Variants in PID1 observed in about 807,000 individuals in gnomAD.
PID1 encodes PTB-containing, cubilin and LRP1-interacting protein.
A neutral mutation model predicts 19.1 loss-of-function variants in PID1; 10 were observed. The ratio of observed to expected loss-of-function variants is 0.52; its 90% CI spans 0.32 to 0.89. The LOEUF (loss-of-function observed/expected upper bound fraction) is 0.89. PID1 is among the 40% of genes least tolerant of loss of function. The pLI, the probability that PID1 is intolerant of heterozygous loss-of-function variation, is 0.03. For synonymous variants in PID1, 130 were observed against 116.0 expected, an observed-to-expected ratio of 1.12 and a Z score of -0.78; for missense variants, 248 against 285.3, an observed-to-expected ratio of 0.87 and a Z score of 0.94.
At chr2:229,247,256 G>A (rs1574755924) in intron 1 of PID1, among the ~76,000 whole-genome samples, 2 of 152,156 alleles carry the variant, frequency 1.3e-5, no homozygotes, top group African/African-American at 4.8e-5. Context: ...AACAAAGCCT[G>A]GAGTGAGAGG....
chr2:229,116,965 C>T (rs1241558105), intron 2 of PID1, among the ~76,000 whole-genome samples: 1 of 152,146 alleles, frequency 6.6e-6, no homozygotes, highest in East Asian at 1.9e-4. Flanking sequence ...TCTTAAGAAG[C>T]CAAACAACTG....
intron 1 of PID1, among the ~76,000 whole-genome samples, chr2:229,268,912 C>T (rs937422470): frequency 3.9e-5 from 6 of 152,208 alleles, no homozygotes; most frequent in Admixed American, 3.9e-4. Context: ...AAGCAGCTCA[C>T]TCACCATCTC....
At chr2:229,064,842 G>A (rs567484128) in intron 2 of PID1, among the ~76,000 whole-genome samples, 20 of 152,132 alleles carry the variant, frequency 1.3e-4, no homozygotes, top group African/African-American at 2.9e-4. Flanking sequence ...TACTTGTCTC[G>A]GATGCTGATG....
chr2:229,265,185 G>A (rs900621254), intron 1 of PID1, among the ~76,000 whole-genome samples: 2 of 151,672 alleles, frequency 1.3e-5, no homozygotes, highest in Non-Finnish European at 2.9e-5. Flanking sequence ...GAAACAACCT[G>A]GCTAAGAAGG....
chr2:229,228,192 T>C (rs1692123877), intron 1 of PID1: 1 of 362,518 alleles, frequency 2.8e-6, no homozygotes, highest in Admixed American at 3.3e-5. Context: ...CAATTATTCA[T>C]CTCTACTTTT....
At chr2:229,230,129 T>C (rs1692170237) in intron 1 of PID1, among the ~76,000 whole-genome samples, 1 of 152,232 alleles carries the variant, frequency 6.6e-6, no homozygotes, top group South Asian at 2.1e-4. Flanking sequence ...TTGTAATGTT[T>C]AACCTTGGCC....
At chr2:229,220,608 T>C (rs1001553710) in intron 1 of PID1, among the ~76,000 whole-genome samples, 6 of 152,120 alleles carry the variant, frequency 3.9e-5, no homozygotes, top group African/African-American at 1.4e-4. Flanking sequence ...GAGGTGATTC[T>C]ATGAGTTCAG....
chr2:229,149,661 C>A (rs1432198422), intron 2 of PID1, among the ~76,000 whole-genome samples: 1 of 152,170 alleles, frequency 6.6e-6, no homozygotes, highest in African/African-American at 2.4e-5. Flanking sequence ...TTAACTCCTT[C>A]TTGGAAACTG....
At chr2:229,199,787 C>CAT (rs1033099404) in intron 1 of PID1, among the ~76,000 whole-genome samples, 1 of 148,770 alleles carries the variant, frequency 6.7e-6, no homozygotes, top group African/African-American at 2.5e-5. Context: ...TACACACACA[C>CAT]ATATATATAA....
At chr2:229,151,029 G>A (rs1303680978) in intron 2 of PID1, among the ~76,000 whole-genome samples, 2 of 152,108 alleles carry the variant, frequency 1.3e-5, no homozygotes. Context: ...ATGAAAGAGA[G>A]CAGGATGGGA....
At chr2:229,168,399 A>G (rs1009552426) in intron 1 of PID1, among the ~76,000 whole-genome samples, 47 of 151,846 alleles carry the variant, frequency 3.1e-4, no homozygotes, top group Non-Finnish European at 5.7e-4. Flanking sequence ...ATTTCTCTTG[A>G]CCTATATTCA....
intron 1 of PID1, among the ~76,000 whole-genome samples, chr2:229,246,918 A>T (rs964558135): frequency 2.6e-5 from 4 of 152,176 alleles, no homozygotes; most frequent in African/African-American, 4.8e-5. Flanking sequence ...ATGATGGAAA[A>T]AAAGTAAGGT....
intron 2 of PID1, among the ~76,000 whole-genome samples, chr2:229,129,777 A>G (rs1245440167): frequency 6.6e-6 from 1 of 152,158 alleles, no homozygotes; most frequent in Non-Finnish European, 1.5e-5. Flanking sequence ...TCTCTTGCTC[A>G]TGTACACTGG....
chr2:229,181,130 A>C (rs1351550126), intron 1 of PID1, among the ~76,000 whole-genome samples: 1 of 152,076 alleles, frequency 6.6e-6, no homozygotes, highest in South Asian at 2.1e-4. Context: ...GGCAACCCAC[A>C]CCTTCACCCT....
intron 2 of PID1, among the ~76,000 whole-genome samples, chr2:229,061,214 C>T (rs959676869): frequency 6.6e-6 from 1 of 151,974 alleles, no homozygotes; most frequent in Admixed American, 6.6e-5. Flanking sequence ...TTTATGTTTT[C>T]TTCTAGTAAT....
intron 2 of PID1, among the ~76,000 whole-genome samples, chr2:229,120,144 G>T (rs548296040): frequency 6.6e-6 from 1 of 152,170 alleles, no homozygotes; most frequent in Middle Eastern, 3.4e-3. Flanking sequence ...ACAAGGTATT[G>T]CCTATACAAC....
rs1423366547 is a variant in PID1 at position 229,088,209 on chromosome 2, CA to C, written c.178-62102del. 4.6e-5 allele frequency among the ~76,000 whole-genome samples: 7 copies of C among 152,300 alleles called. No homozygotes were observed. The South Asian group carries it at 1.2e-3, about 27-fold the overall frequency. On this transcript the variant is annotated intron_variant, in intron 2 of 2. Transcript: ENST00000392055. The stretch of plus-strand genomic sequence containing the variant: ...AAATAGGTGAGTCCTTATGAACGGA[CA>C]GGCACCTGAGGAAGGTAGGCAACAA...
chr2:229,065,697 G>T, intron 2 of PID1, among the ~76,000 whole-genome samples: 1 of 52,252 alleles, frequency 1.9e-5, no homozygotes, highest in Non-Finnish European at 3.3e-5. Flanking sequence ...CTACAAATGG[G>T]TCTTTTGTGA....
Position 229,232,800 on chromosome 2 carries a change from T to C in PID1, c.30+38214A>G, listed in dbSNP as rs888420531. Reference sequence around the variant, plus strand: ...ACACACACACATAAATATATATATATATATATATATATATATATATATATT... The same window carrying C: ...ACACACACACATAAATATATATATACATATATATATATATATATATATATT... On this transcript the variant is annotated intron_variant, in intron 1 of 2. Transcript: ENST00000392055. 7.4e-3 allele frequency among the ~76,000 whole-genome samples: 604 copies of C among 81,962 alleles called. 2 individuals carry two copies. The highest frequency in any genetic ancestry group is 0.023 in the African/African-American group (585 of 25,798). 53.8% of individuals were successfully genotyped at this position (81,962 alleles called of 152,430 possible).
Sources: gnomAD v4.1 joint callset for allele counts (sites outside exome capture counted in the v4.1 genomes callset) on GRCh38, gnomAD v4.1.1 for gene constraint, MANE v1.5 for transcripts, NCBI Gene and HGNC (gene_info 2026-07-23, HGNC 2026-07-21) for gene names.